The following BCL2L1 variants were observed in gnomAD, a reference collection of about 807,000 sequenced individuals.
BCL2L1 encodes BCL2 like 1, also known as bcl-2-like protein 1.
A neutral mutation model predicts 18.7 loss-of-function variants in BCL2L1; 1 was observed. That is an observed-to-expected ratio of 0.05 (90% CI 0.02 to 0.25). The LOEUF (loss-of-function observed/expected upper bound fraction) is 0.25. Ranked by LOEUF, BCL2L1 falls within the 10% of genes least tolerant of loss-of-function variation. The pLI, the probability that BCL2L1 is intolerant of heterozygous loss-of-function variation, is 1.00. For missense variants in BCL2L1, 207 were observed against 304.9 expected (o/e 0.68, Z 2.39); for synonymous variants, 103 against 122.7 (o/e 0.84, Z 1.06).
chr20:31,718,062 C>G (rs563464666), intron 2 of BCL2L1, among the ~76,000 whole-genome samples: 1 of 152,186 alleles, frequency 6.6e-6, no homozygotes, highest in Non-Finnish European at 1.5e-5. Context: ...GGGTTTCCAC[C>G]CTACAATTAT....
At chr20:31,717,608 A>G (rs2061557680) in intron 2 of BCL2L1, among the ~76,000 whole-genome samples, 1 of 152,222 alleles carries the variant, frequency 6.6e-6, no homozygotes, top group African/African-American at 2.4e-5. Context: ...AAAAATTTCC[A>G]CATTTGGGGT....
At chr20:31,674,418 T>C (rs572071694) in intron 2 of BCL2L1, among the ~76,000 whole-genome samples, 4 of 152,270 alleles carry the variant, frequency 2.6e-5, no homozygotes, top group Admixed American at 6.5e-5. Flanking sequence ...ACACCAGCAA[T>C]CTGGTTCAGT....
chr20:31,722,469 TACTTC>T (rs2061652183), intron 1 of BCL2L1, 121 bp from the exon 2 acceptor site: 1 of 346,110 alleles, frequency 2.9e-6, no homozygotes. Context: ...GGTTCCAAGA[TACTTC>T]ACTTAAGTCA....
At chr20:31,666,261 G>C (rs189288861) in intron 2 of BCL2L1, among the ~76,000 whole-genome samples, 175 bp from the exon 3 acceptor site, 1 of 152,262 alleles carries the variant, frequency 6.6e-6, no homozygotes, top group Admixed American at 6.5e-5. Context: ...ACCCTCCATT[G>C]GTGATAATCA....
rs763223337 is a variant in BCL2L1 at position 31,666,016 on chromosome 20, C to T, written c.635G>A (p.Arg212His). 70 of 1,613,986 alleles carry T rather than the reference C, an allele frequency of 4.3e-5. No homozygotes were observed. Among genetic ancestry groups the T allele is most frequent in the Non-Finnish European group, 5.5e-5 (65 of 1,180,022 alleles). ...ESRKGQERFN[R>H]WFLTGMTVAG... is the part of the protein sequence containing the mutation. The stretch of plus-strand genomic sequence containing the variant: ...CACAGTCATGCCCGTCAGGAACCAG[C>T]GGTTGAAGCGTTCCTGGCCCTTTCG... The change falls in exon 3 of 3, where the codon CGC becomes CAC. Residue 212 changes from arginine to histidine, a missense_variant. By Grantham distance (29) the Arg-to-His change is conservative. Coordinates refer to ENST00000307677, the MANE Select transcript of BCL2L1 (RefSeq NM_138578.3).
At chr20:31,676,103 A>T (rs1321110353) in intron 2 of BCL2L1, among the ~76,000 whole-genome samples, 1 of 152,162 alleles carries the variant, frequency 6.6e-6, no homozygotes, top group East Asian at 1.9e-4. Context: ...CTGGCTCAGA[A>T]CCAGGGTGAT....
intron 2 of BCL2L1, among the ~76,000 whole-genome samples, chr20:31,711,940 T>G (rs1284426358): frequency 1.3e-5 from 2 of 152,204 alleles, no homozygotes; most frequent in African/African-American, 4.8e-5. Flanking sequence ...CCTGTGAAGC[T>G]CTGGGTATAT....
intron 2 of BCL2L1, among the ~76,000 whole-genome samples, chr20:31,700,989 G>A (rs2122701553): frequency 6.6e-6 from 1 of 152,326 alleles, no homozygotes; most frequent in East Asian, 1.9e-4. Context: ...GATGAGGCAG[G>A]AAGGGAGCCA....
At chr20:31,713,205 C>T in intron 2 of BCL2L1, 1 of 935,766 alleles carries the variant, frequency 1.1e-6, no homozygotes, top group Non-Finnish European at 1.3e-6. Flanking sequence ...GGAATTCTAA[C>T]TGACCTCCCT....
chr20:31,683,769 CAAAAAA>C (rs372160646), intron 2 of BCL2L1, among the ~76,000 whole-genome samples: 58 of 80,618 alleles, frequency 7.2e-4, no homozygotes, highest in Non-Finnish European at 8.5e-4. Flanking sequence ...AACTCCATCT[CAAAAAA>C]AAAAAAAAAA....
chr20:31,689,746 T>C (rs926511824), intron 2 of BCL2L1, among the ~76,000 whole-genome samples: 4 of 152,112 alleles, frequency 2.6e-5, no homozygotes, highest in Non-Finnish European at 5.9e-5. Context: ...CCAGGCGCGG[T>C]GGCGCACGCC....
At chr20:31,690,048 C>CT (rs1161909577) in intron 2 of BCL2L1, among the ~76,000 whole-genome samples, 1 of 152,150 alleles carries the variant, frequency 6.6e-6, no homozygotes, top group Non-Finnish European at 1.5e-5. Flanking sequence ...GATGTGCTAC[C>CT]TCACAAGTAG....
Position 31,722,249 on chromosome 20 carries a change from A to C in BCL2L1, c.-31T>G. On this transcript the variant is annotated 5_prime_UTR_variant, in exon 2 of 3. It removes an upstream start codon present in the reference 5' UTR. Coordinates refer to ENST00000307677, the MANE Select transcript of BCL2L1 (RefSeq NM_138578.3). The stretch of plus-strand genomic sequence containing the variant: ...TAATAGGGATGGGCTCAACCAGTCC[A>C]TTGTCCAAAACACCTGCTCACTCAC... 6.9e-7 allele frequency: 1 copy of C among 1,446,194 alleles called. No homozygotes were observed. The highest frequency in any genetic ancestry group is 9.2e-7 in the Non-Finnish European group (1 of 1,092,826). The allele number at this position is 1,446,194 out of a possible 1,614,324, so 89.6% of individuals were successfully genotyped here.
intron 2 of BCL2L1, among the ~76,000 whole-genome samples, chr20:31,708,758 T>C (rs1326425081): frequency 1.3e-5 from 2 of 152,158 alleles, no homozygotes; most frequent in East Asian, 3.9e-4. Flanking sequence ...CAGGGAAGGA[T>C]TGGCCTCTCC....
intron 2 of BCL2L1, among the ~76,000 whole-genome samples, chr20:31,676,874 G>A (rs1417867071): frequency 6.6e-6 from 1 of 152,058 alleles, no homozygotes; most frequent in Non-Finnish European, 1.5e-5. Context: ...TTTCATCTTC[G>A]GACAGCCCCG....
At chr20:31,718,812 T>C (rs1285180865) in intron 2 of BCL2L1, among the ~76,000 whole-genome samples, 3 of 152,218 alleles carry the variant, frequency 2.0e-5, no homozygotes, top group Non-Finnish European at 2.9e-5. Context: ...ATCCTTCCCA[T>C]AGCTACCTGA....
At chr20:31,715,624 G>T (rs2061521904) in intron 2 of BCL2L1, among the ~76,000 whole-genome samples, 1 of 152,078 alleles carries the variant, frequency 6.6e-6, no homozygotes, top group Admixed American at 6.6e-5. Flanking sequence ...CCCAAAATAT[G>T]ACTGTAGGAA....
At chr20:31,673,374 C>T (rs1177829803) in intron 2 of BCL2L1, among the ~76,000 whole-genome samples, 1 of 151,728 alleles carries the variant, frequency 6.6e-6, no homozygotes, top group African/African-American at 2.4e-5. Context: ...GCACCCAGCC[C>T]TTACTTGTTA....
rs1476932291 is a variant in BCL2L1, at chr20:31,664,906, G to C, written c.*1043C>G. Reference sequence around the variant, plus strand: ...GGCTGCCCAGGCTGGACAGGCATGGGGCACAGATCTGCCTGGCCAGGCAGG... The same window carrying C: ...GGCTGCCCAGGCTGGACAGGCATGGCGCACAGATCTGCCTGGCCAGGCAGG... On this transcript the variant is annotated 3_prime_UTR_variant, in exon 3 of 3. Coordinates refer to ENST00000307677, the MANE Select transcript of BCL2L1 (RefSeq NM_138578.3). The C allele has an allele frequency of 1.9e-4, 40 of 213,360 alleles. No homozygotes were observed. The highest frequency in any genetic ancestry group is 2.6e-4 in the Non-Finnish European group (27 of 105,044). The allele number at this position is 213,360 out of a possible 1,614,324, so 13.2% of individuals were successfully genotyped here. A position where few individuals can be genotyped will look rare whatever the true frequency, so the allele number is the denominator to read the frequency against.
Sources: gnomAD v4.1 joint callset for allele counts (sites outside exome capture counted in the v4.1 genomes callset) on GRCh38, gnomAD v4.1.1 for gene constraint, MANE v1.5 for transcripts, NCBI Gene and HGNC (gene_info 2026-07-23, HGNC 2026-07-21) for gene names.